CLEC16A: variants seen among roughly 807,000 people sequenced by gnomAD.
The protein encoded by CLEC16A is protein CLEC16A.
In CLEC16A, 51 loss-of-function variants were observed where a neutral mutation model predicts 109.5. The ratio of observed to expected loss-of-function variants is 0.47; its 90% CI spans 0.37 to 0.59. The LOEUF (loss-of-function observed/expected upper bound fraction) is 0.59. CLEC16A is among the 20% of genes least tolerant of loss of function. The probability of loss-of-function intolerance (pLI) is 0.00; values close to 1 mark genes in which losing one functional copy is unlikely to be tolerated. For synonymous variants in CLEC16A, 673 were observed against 564.2 expected, an observed-to-expected ratio of 1.19 and a Z score of -2.73; for missense variants, 1,339 against 1,394.0, an observed-to-expected ratio of 0.96 and a Z score of 0.63.
rs572145622 is a variant in CLEC16A, at chr16:11,043,898, C to T, written c.1771-130C>T. The stretch of plus-strand genomic sequence containing the variant: ...CAAGAAAAGGGAAAAAAAAAAAACA[C>T]CATTTTATACATTAAGGATATTAGT... On this transcript the variant is annotated intron_variant, in intron 15 of 23. Transcript: ENST00000409790. 1.7e-5 allele frequency: 10 copies of T among 575,542 alleles called. No individual in the cohort carries two copies. In the South Asian group the frequency reaches 3.1e-4, roughly 18 times the overall value. The allele number at this position is 575,542 out of a possible 1,614,324, so 35.7% of individuals were successfully genotyped here.
chr16:11,125,590 G>A (rs1267645803), intron 21 of CLEC16A, among the ~76,000 whole-genome samples: 4 of 152,186 alleles, frequency 2.6e-5, no homozygotes, highest in African/African-American at 4.8e-5. Flanking sequence ...ACACGTATAC[G>A]TGTGAACTCT....
At chr16:11,081,293 T>C (rs1042614123) in intron 19 of CLEC16A, among the ~76,000 whole-genome samples, 1 of 152,138 alleles carries the variant, frequency 6.6e-6, no homozygotes, top group Non-Finnish European at 1.5e-5. Flanking sequence ...TGGTACAAGT[T>C]AAAATTCTTC....
intron 13 of CLEC16A, among the ~76,000 whole-genome samples, chr16:11,032,242 G>A (rs1007737237): frequency 6.6e-6 from 1 of 152,196 alleles, no homozygotes; most frequent in Non-Finnish European, 1.5e-5. Context: ...CCGAGGCAGC[G>A]GGTGCCCCAA....
At chr16:11,107,915 C>G (rs150280602) in intron 19 of CLEC16A, among the ~76,000 whole-genome samples, 1 of 152,208 alleles carries the variant, frequency 6.6e-6, no homozygotes, top group Admixed American at 6.5e-5. Context: ...CTTAGGCTTC[C>G]TCTCCCCTCC....
intron 1 of CLEC16A, among the ~76,000 whole-genome samples, chr16:10,953,299 G>A (rs994936961): frequency 2.6e-5 from 4 of 152,316 alleles, no homozygotes; most frequent in Middle Eastern, 3.4e-3. Context: ...TCTGTAAATG[G>A]TGCTGGGTCA....
chr16:11,137,220 T>G (rs2053610427), intron 22 of CLEC16A, among the ~76,000 whole-genome samples: 2 of 152,150 alleles, frequency 1.3e-5, no homozygotes, highest in Admixed American at 1.3e-4. Context: ...ATCATTTGTT[T>G]TATCAACCGC....
intron 7 of CLEC16A, among the ~76,000 whole-genome samples, chr16:10,973,274 A>T (rs548095095): frequency 6.6e-6 from 1 of 152,328 alleles, no homozygotes; most frequent in East Asian, 1.9e-4. Context: ...GGCGGGGTAA[A>T]TCAATTCAGT....
intron 3 of CLEC16A, among the ~76,000 whole-genome samples, chr16:10,967,463 G>A (rs1042456380): frequency 2.0e-5 from 3 of 152,236 alleles, no homozygotes; most frequent in East Asian, 1.9e-4. Flanking sequence ...CCAGTGATAC[G>A]ATCATGGCTC....
intron 1 of CLEC16A, among the ~76,000 whole-genome samples, chr16:10,949,118 G>T (rs1365720645): frequency 1.3e-5 from 2 of 152,162 alleles, no homozygotes; most frequent in African/African-American, 4.8e-5. Flanking sequence ...GAGAATCAGG[G>T]GTTATTGCCC....
At chr16:11,050,015 TA>T (rs1441821343) in intron 17 of CLEC16A, among the ~76,000 whole-genome samples, 1 of 152,232 alleles carries the variant, frequency 6.6e-6, no homozygotes. Context: ...TTTCTGCAGC[TA>T]TAACAGAATA....
intron 2 of CLEC16A, among the ~76,000 whole-genome samples, chr16:10,958,617 A>T (rs2042103101): frequency 6.6e-6 from 1 of 152,214 alleles, no homozygotes; most frequent in African/African-American, 2.4e-5. Flanking sequence ...TTAAAAAGCA[A>T]GGGCCGCCAG....
At chr16:11,146,121 A>T (rs12917893) in intron 22 of CLEC16A, among the ~76,000 whole-genome samples, 51,251 of 151,888 alleles carry the variant, frequency 0.34, 8,768 homozygotes, top group South Asian at 0.45. Context: ...CCTTCAGATC[A>T]TTCTTCAGAC....
At chr16:11,094,028 A>G (rs2050462794) in intron 19 of CLEC16A, among the ~76,000 whole-genome samples, 1 of 152,158 alleles carries the variant, frequency 6.6e-6, no homozygotes, top group Admixed American at 6.5e-5. Flanking sequence ...GGCAGGTCCT[A>G]TCATGTGCTT....
At chr16:11,167,977 A>G (rs551776918) in intron 23 of CLEC16A, among the ~76,000 whole-genome samples, 1 of 152,158 alleles carries the variant, frequency 6.6e-6, no homozygotes, top group East Asian at 1.9e-4. Context: ...CAACGCACAT[A>G]TTTACCGTTG....
chr16:11,059,224 T>G (rs1428707838), intron 18 of CLEC16A, among the ~76,000 whole-genome samples: 1 of 152,224 alleles, frequency 6.6e-6, no homozygotes, highest in South Asian at 2.1e-4. Context: ...TCTTTTGAAT[T>G]TTTTAATGGA....
In CLEC16A at chr16:11,161,985, G is replaced by A. The variant is rs1425326868; in HGVS notation, c.2642-4403G>A. On this transcript the variant is annotated intron_variant, in intron 22 of 23. Transcript: ENST00000409790. ...AGACCTGTAGAAGAGGAGGAGGGGG[G>A]CATGTCCAAGGTCTCGAAGTCAGTT... 2.0e-5 allele frequency among the ~76,000 whole-genome samples: 3 copies of A among 152,208 alleles called. No individual in the cohort carries two copies. The East Asian group carries it at 5.8e-4, about 29-fold the overall frequency.
At chr16:11,012,688 C>T (rs994125525) in intron 11 of CLEC16A, among the ~76,000 whole-genome samples, 1 of 149,646 alleles carries the variant, frequency 6.7e-6, no homozygotes, top group Non-Finnish European at 1.5e-5. Flanking sequence ...GAATGAACAG[C>T]AGTCATGGTG....
At position 11,044,058 on chromosome 16, in the gene CLEC16A, C is replaced by G. The variant is rs2047497802; in HGVS notation, c.1801C>G (p.Arg601Gly). 6.2e-7 allele frequency: 1 copy of G among 1,608,666 alleles called. No individual in the cohort carries two copies. The highest frequency in any genetic ancestry group is 8.5e-7 in the Non-Finnish European group (1 of 1,176,728). The change falls in exon 16 of 24, where the codon CGA (arginine) becomes GGA (glycine). Residue 601 changes from arginine (R) to glycine (G), a missense_variant. By Grantham distance (125) the Arg-to-Gly change is moderately radical (BLOSUM62 -2). Transcript: ENST00000409790. Reference sequence around the variant, plus strand: ...GAGAGAAGAAAGTGTTCACCTTGTACGACATTTTTATAAGGTAATTGGCAG... The same window carrying G: ...GAGAGAAGAAAGTGTTCACCTTGTAGGACATTTTTATAAGGTAATTGGCAG... ...GAREESVHLV[R>G]HFYKGEDIFL...
intron 19 of CLEC16A, among the ~76,000 whole-genome samples, chr16:11,086,511 G>C (rs2050016038): frequency 1.3e-5 from 2 of 152,140 alleles, no homozygotes; most frequent in Admixed American, 6.5e-5. Flanking sequence ...AATTCAGATG[G>C]GGATGGTGAG....
Sources: allele counts gnomAD v4.1 joint callset (sites outside exome capture counted in the v4.1 genomes callset), GRCh38; gene constraint gnomAD v4.1.1; transcripts MANE v1.5; gene names NCBI Gene and HGNC (gene_info 2026-07-23, HGNC 2026-07-21).